Variants in GRIP1 observed in about 807,000 individuals in gnomAD.
The protein encoded by GRIP1 is glutamate receptor interacting protein 1, also known as glutamate receptor-interacting protein 1.
In GRIP1, 45 loss-of-function variants were observed where a neutral mutation model predicts 129.9. That is an observed-to-expected ratio of 0.35 (90% confidence interval 0.27 to 0.44). GRIP1 has a LOEUF of 0.44. GRIP1 is among the 20% of genes least tolerant of loss of function. The pLI, the probability that GRIP1 is intolerant of heterozygous loss-of-function variation, is 1.00. For missense variants in GRIP1, 1,196 were observed against 1,396.8 expected (o/e 0.86, Z 2.29); for synonymous variants, 530 against 520.8 (o/e 1.02, Z -0.24).
chr12:66,875,806 C>T (rs2137170600), intron 1 of GRIP1, among the ~76,000 whole-genome samples: 1 of 151,954 alleles, frequency 6.6e-6, no homozygotes, highest in East Asian at 1.9e-4. Flanking sequence ...GCCTGCCAAG[C>T]ATAAAAATGC....
At chr12:66,789,995 G>A (rs1032259616) in intron 1 of GRIP1, among the ~76,000 whole-genome samples, 1 of 151,980 alleles carries the variant, frequency 6.6e-6, no homozygotes, top group East Asian at 1.9e-4. Context: ...TACTTCTATT[G>A]CCTTCTCCAC....
upstream of GRIP1, among the ~76,000 whole-genome samples, chr12:66,805,978 CTTTTTTTTTTTTTT>C (rs1408364524): frequency 7.9e-6 from 1 of 126,420 alleles, no homozygotes; most frequent in Non-Finnish European, 1.7e-5. Flanking sequence ...TTTTTTTTTT[CTTTTTTTTTTTTTT>C]GGTTTCAAAT....
intron 1 of GRIP1, among the ~76,000 whole-genome samples, chr12:67,002,837 T>C (rs1407206055): frequency 6.6e-6 from 1 of 152,212 alleles, no homozygotes; most frequent in Non-Finnish European, 1.5e-5. Context: ...AGAAGTCCTT[T>C]GTACTTATCA....
At chr12:66,794,679 G>T (rs1390727257) in intron 1 of GRIP1, among the ~76,000 whole-genome samples, 1 of 152,170 alleles carries the variant, frequency 6.6e-6, no homozygotes, top group East Asian at 1.9e-4. Context: ...TTACTCTGTT[G>T]TTAGAGATAT....
chr12:66,618,521 A>T (rs1015042882), intron 1 of GRIP1, among the ~76,000 whole-genome samples: 1 of 152,116 alleles, frequency 6.6e-6, no homozygotes, highest in African/African-American at 2.4e-5. Context: ...CTTTGAATCT[A>T]TCTATTAAAA....
At chr12:66,728,869 A>C (rs1475046416) in intron 1 of GRIP1, among the ~76,000 whole-genome samples, 1 of 152,132 alleles carries the variant, frequency 6.6e-6, no homozygotes, top group African/African-American at 2.4e-5. Context: ...CGCAGCATAC[A>C]TAAAACTAAG....
chr12:66,502,949 G>A (rs1480242303), intron 7 of GRIP1, among the ~76,000 whole-genome samples: 1 of 152,136 alleles, frequency 6.6e-6, no homozygotes, highest in East Asian at 1.9e-4. Flanking sequence ...GTTACATGAA[G>A]TTAGGCATGA....
At chr12:66,645,184 CATAGT>C (rs2032259011) in intron 1 of GRIP1, among the ~76,000 whole-genome samples, 1 of 152,152 alleles carries the variant, frequency 6.6e-6, no homozygotes, top group Admixed American at 6.5e-5. Context: ...CTGCCATCTG[CATAGT>C]ATAGAGTTTT....
At chr12:66,996,143 G>C (rs1566111009) in intron 1 of GRIP1, among the ~76,000 whole-genome samples, 1 of 151,930 alleles carries the variant, frequency 6.6e-6, no homozygotes, top group Non-Finnish European at 1.5e-5. Flanking sequence ...GAGACTTTTA[G>C]AGTGGGGAGG....
At chr12:66,358,579 C>T (rs180995121) in intron 23 of GRIP1, among the ~76,000 whole-genome samples, 146 of 152,254 alleles carry the variant, frequency 9.6e-4, no homozygotes, top group Non-Finnish European at 1.7e-3. Flanking sequence ...TCCCAAATAG[C>T]TGGGATTACA....
chr12:66,534,571 C>A (rs1169036545), intron 4 of GRIP1, among the ~76,000 whole-genome samples: 1 of 152,086 alleles, frequency 6.6e-6, no homozygotes, highest in Non-Finnish European at 1.5e-5. Context: ...CTCATTTGGT[C>A]CTCGTGTACC....
intron 1 of GRIP1, among the ~76,000 whole-genome samples, chr12:66,889,199 C>T (rs1368150883): frequency 6.6e-6 from 1 of 152,208 alleles, no homozygotes; most frequent in Non-Finnish European, 1.5e-5. Context: ...GCAGCTCACG[C>T]CTGTAATCCC....
intron 1 of GRIP1, among the ~76,000 whole-genome samples, chr12:66,912,554 CAA>C (rs2041047665): frequency 6.6e-6 from 1 of 151,876 alleles, no homozygotes; most frequent in Admixed American, 6.6e-5. Flanking sequence ...AAGGGAAAAA[CAA>C]ATATTTTATT....
At chr12:66,396,819 A>G (rs1336648680) in intron 16 of GRIP1, among the ~76,000 whole-genome samples, 6 of 152,184 alleles carry the variant, frequency 3.9e-5, no homozygotes, top group Non-Finnish European at 5.9e-5. Flanking sequence ...ACAAAAGAGA[A>G]AGGAGATTTG....
chr12:66,549,651 C>T (rs967453588), intron 2 of GRIP1, among the ~76,000 whole-genome samples: 2 of 152,048 alleles, frequency 1.3e-5, no homozygotes, highest in Non-Finnish European at 2.9e-5. Context: ...GTTTTTGCCA[C>T]CCAGACTAGC....
At chr12:66,650,457 TA>T (rs2032712616) in intron 1 of GRIP1, among the ~76,000 whole-genome samples, 1 of 152,142 alleles carries the variant, frequency 6.6e-6, no homozygotes, top group Non-Finnish European at 1.5e-5. Context: ...AAGCTGTGAG[TA>T]TGCTATGTTA....
intron 7 of GRIP1, among the ~76,000 whole-genome samples, chr12:66,504,807 G>GA (rs916886154): frequency 7.2e-5 from 11 of 152,264 alleles, no homozygotes; most frequent in Admixed American, 6.5e-5. Context: ...ATGGAGATTA[G>GA]AAAAAATCTC....
chr12:66,502,181 T>C (rs1299783885), intron 7 of GRIP1, among the ~76,000 whole-genome samples: 4 of 152,206 alleles, frequency 2.6e-5, no homozygotes, highest in Admixed American at 1.3e-4. Flanking sequence ...TGAGATGATA[T>C]AGTCTGGTCT....
intron 1 of GRIP1, among the ~76,000 whole-genome samples, chr12:66,798,573 G>C (rs1056101851): frequency 1.3e-5 from 2 of 152,148 alleles, no homozygotes; most frequent in Non-Finnish European, 1.5e-5. Context: ...CTGGGATATT[G>C]AAGAAGGACC....
Sources: allele counts gnomAD v4.1 joint callset (sites outside exome capture counted in the v4.1 genomes callset), GRCh38; gene constraint gnomAD v4.1.1; transcripts MANE v1.5; gene names NCBI Gene and HGNC (gene_info 2026-07-23, HGNC 2026-07-21).